The following PDIA6 variants were observed in gnomAD, a reference collection of about 807,000 sequenced individuals.
PDIA6 encodes protein disulfide-isomerase A6.
Under a neutral mutation model 58.4 loss-of-function variants are expected in PDIA6, and 29 were observed. That is an observed-to-expected ratio of 0.50 (90% CI 0.37 to 0.68). The LOEUF is 0.68. Ranked by LOEUF, PDIA6 falls within the 30% of genes least tolerant of loss-of-function variation. PDIA6 has a pLI of 0.00. For missense variants in PDIA6, 480 were observed against 551.0 expected, an observed-to-expected ratio of 0.87 and a Z score of 1.29; for synonymous variants, 192 against 202.6, an observed-to-expected ratio of 0.95 and a Z score of 0.44.
intron 1 of PDIA6, among the ~76,000 whole-genome samples, chr2:10,822,464 C>T (rs113539552): frequency 0.26 from 39,117 of 151,814 alleles, 5,313 homozygotes; most frequent in African/African-American, 0.28. Flanking sequence ...GAGTTTCACC[C>T]TGTTAGCCAG....
rs1305106052 is a variant in PDIA6, at chr2:10,805,695, T to C, written c.20-3055A>G. ...ACAATGATAGACTGGATTAAGAAAA[T>C]GTGGCACATATACAGCATGGAATAC... On this transcript the variant is annotated intron_variant, in intron 1 of 12. Transcript: ENST00000272227. 1.8e-3 allele frequency among the ~76,000 whole-genome samples: 173 copies of C among 94,384 alleles called. 8 individuals carry two copies. The highest frequency in any genetic ancestry group is 5.2e-3 in the African/African-American group (165 of 31,808). The allele number at this position is 94,384 out of a possible 152,430, so 61.9% of individuals were successfully genotyped here.
At chr2:10,802,397 T>G in intron 2 of PDIA6, 102 bp downstream of exon 2, 1 of 673,444 alleles carries the variant, frequency 1.5e-6, no homozygotes, top group Admixed American at 3.4e-5. Context: ...AAACAAACAC[T>G]AAGCTAAACT....
At chr2:10,803,486 C>A (rs536577035) in intron 1 of PDIA6, among the ~76,000 whole-genome samples, 8 of 140,924 alleles carry the variant, frequency 5.7e-5, no homozygotes, top group South Asian at 2.5e-4. Context: ...AGTTTTATTT[C>A]TCTTAATACT....
chr2:10,797,652 A>T, intron 3 of PDIA6, 48 bp downstream of exon 3: 1 of 1,324,068 alleles, frequency 7.6e-7, no homozygotes, highest in Non-Finnish European at 1.1e-6. Flanking sequence ...TTAGAAACTT[A>T]CTGTAAAAAA....
rs562714371 is a variant in PDIA6, at chr2:10,784,390, T to C, written c.1255-64A>G. ...GGGGACACCCTGGAAGGTCAACATC[T>C]CATTTTATGGAAGAGCGACTCTCTG... On this transcript the variant is annotated intron_variant, in intron 12 of 12. Coordinates refer to ENST00000272227, the MANE Select transcript of PDIA6 (RefSeq NM_005742.4). The C allele has an allele frequency of 1.6e-5, 22 of 1,336,474 alleles. No homozygotes were observed. In the African/African-American group the frequency reaches 2.3e-4, roughly 14 times the overall value. 82.8% of individuals were successfully genotyped at this position (1,336,474 alleles called of 1,614,324 possible).
intron 6 of PDIA6, among the ~76,000 whole-genome samples, chr2:10,791,450 C>A (rs1162322382): frequency 6.6e-6 from 1 of 152,164 alleles, no homozygotes; most frequent in African/African-American, 2.4e-5. Flanking sequence ...CTAGCCTATA[C>A]TTTTTAACTG....
chr2:10,784,940 A>G lies in PDIA6; in HGVS notation c.1248T>C (p.Asp416=). The G allele has an allele frequency of 1.3e-6, 2 of 1,582,108 alleles. No homozygotes were observed. Among genetic ancestry groups the G allele is most frequent in the Non-Finnish European group, 1.7e-6 (2 of 1,162,272 alleles). ...TTCCCTCCCGGGCACTCACCTCGCC[A>G]TCCCTGCCGTCCCAAGGCTCTCTCT... ...IVEREPWDGR[D]GELPVEDDID... The change falls in exon 12 of 13, where the codon GAT becomes GAC. Residue 416 remains aspartate (D), a synonymous_variant. Transcript: ENST00000272227.
intron 1 of PDIA6, chr2:10,823,047 C>G (rs1489275978): frequency 6.6e-6 from 1 of 152,210 alleles, no homozygotes; most frequent in Non-Finnish European, 1.5e-5. Flanking sequence ...TAAATCCACT[C>G]AGGGACTAGA....
intron 4 of PDIA6, among the ~76,000 whole-genome samples, chr2:10,796,341 T>C (rs62129005): frequency 0.49 from 74,769 of 151,436 alleles, 19,977 homozygotes; most frequent in South Asian, 0.61. Flanking sequence ...GCATGAGCCA[T>C]CATGCCCAGC....
rs565180851 is a variant in PDIA6, at chr2:10,788,065, C to CAAA, written c.998+629_999-627dup. Reference sequence around the variant, plus strand: ...TGGGCAAGAGAGTGAGACTCTGTCTCAAAAAAAAAAAAAAAGGATAAAATA... The same window carrying CAAA: ...TGGGCAAGAGAGTGAGACTCTGTCTCAAAAAAAAAAAAAAAAAAGGATAAAATA... On this transcript the variant is annotated intron_variant, in intron 10 of 12. Transcript: ENST00000272227. 8.8e-5 allele frequency among the ~76,000 whole-genome samples: 9 copies of CAAA among 102,184 alleles called. 1 individual carries two copies. Among genetic ancestry groups the CAAA allele is most frequent in the Non-Finnish European group, 1.1e-4 (6 of 52,718 alleles). 67.0% of individuals were successfully genotyped at this position (102,184 alleles called of 152,430 possible).
At chr2:10,818,479 TTAATTTATTTA>T (rs1257864415) in intron 2 of PDIA6, among the ~76,000 whole-genome samples, 1 of 61,250 alleles carries the variant, frequency 1.6e-5, no homozygotes, top group Non-Finnish European at 3.0e-5. Flanking sequence ...CTTTAACCAT[TTAATTTATTTA>T]TTTATTTATT....
At chr2:10,832,015 TCAAAA>T (rs1667722753) in intron 1 of PDIA6, among the ~76,000 whole-genome samples, 1 of 6,996 alleles carries the variant, frequency 1.4e-4, no homozygotes, top group African/African-American at 2.2e-4. Flanking sequence ...AGACCCTGTC[TCAAAA>T]AAAAAAAAAA....
At chr2:10,790,105 A>C (rs1665964648) in intron 7 of PDIA6, among the ~76,000 whole-genome samples, 1 of 151,692 alleles carries the variant, frequency 6.6e-6, no homozygotes, top group South Asian at 2.1e-4. Context: ...CAGCCTCCTG[A>C]GTAGCTGGGA....
chr2:10,836,543 CTT>C (rs111443285), upstream of PDIA6, among the ~76,000 whole-genome samples: 9 of 140,346 alleles, frequency 6.4e-5, no homozygotes, highest in Admixed American at 7.1e-5. Context: ...CTTTTGCAGG[CTT>C]TTTTTTTTTT....
At chr2:10,810,095 C>A (rs1021269627) in intron 1 of PDIA6, 42 of 575,354 alleles carry the variant, frequency 7.3e-5, no homozygotes, top group Admixed American at 1.8e-4. Context: ...TCTGGCGAGA[C>A]AAAACAGTAA....
At position 10,787,350 on chromosome 2, in the gene PDIA6, T is replaced by C. The variant is rs774736094; in HGVS notation, c.1088A>G (p.Asn363Ser). 3 of 1,614,086 alleles carry C rather than the reference T, an allele frequency of 1.9e-6. No homozygotes were observed. The highest frequency in any genetic ancestry group is 1.6e-4 in the Middle Eastern group (1 of 6,082). Residue 363 changes from asparagine to serine, a missense_variant, in exon 11 of 13, where the codon AAT becomes AGT. Asn to Ser is a conservative substitution (Grantham distance 46, BLOSUM62 1). Transcript: ENST00000272227. ...GFGYPAMAAINARKMKFALLK... is the reference protein window; with the variant it reads ...GFGYPAMAAISARKMKFALLK... The stretch of plus-strand genomic sequence containing the variant: ...CAGAGCAAATTTCATCTTGCGTGCA[T>C]TGATGGCGGCCATGGCGGGGTACCC...
At position 10,791,865 on chromosome 2, in the gene PDIA6, T is replaced by C; in HGVS notation, c.514A>G (p.Lys172Glu). 1 of 1,614,162 alleles carries C rather than the reference T, an allele frequency of 6.2e-7. No homozygotes were observed. The highest frequency in any genetic ancestry group is 8.5e-7 in the Non-Finnish European group (1 of 1,179,992). Residue 172 changes from lysine (K) to glutamate (E), a missense_variant, in exon 6 of 13, where the codon AAG (lysine) becomes GAG (glutamate). Transcript: ENST00000272227. Reference protein sequence around the residue: ...VIELTDDSFDKNVLDSEDVWM... With the variant: ...VIELTDDSFDENVLDSEDVWM... ...ACATCTTCACTGTCCAGAACATTCT[T>C]ATCAAAGCTGTCGTCTGTCAGCTCA... is the stretch of plus-strand genomic sequence containing the variant.
At chr2:10,815,820 C>T (rs1572696304), upstream of PDIA6, among the ~76,000 whole-genome samples, 1 of 152,314 alleles carries the variant, frequency 6.6e-6, no homozygotes, top group East Asian at 1.9e-4. Flanking sequence ...GCCGAGATTA[C>T]AGGCATGAGC....
At chr2:10,818,477 A>ATTTT (rs201125427) in intron 2 of PDIA6, among the ~76,000 whole-genome samples, 5,553 of 103,472 alleles carry the variant, frequency 0.054, 186 homozygotes, top group Non-Finnish European at 0.062. Flanking sequence ...CACTTTAACC[A>ATTTT]TTTAATTTAT....
Sources: gnomAD v4.1 joint callset for allele counts (sites outside exome capture counted in the v4.1 genomes callset) on GRCh38, gnomAD v4.1.1 for gene constraint, MANE v1.5 for transcripts, NCBI Gene and HGNC (gene_info 2026-07-23, HGNC 2026-07-21) for gene names.